Variants in RUBCNL observed in about 807,000 individuals in gnomAD.
The protein encoded by RUBCNL is protein associated with UVRAG as autophagy enhancer.
In RUBCNL, 62 loss-of-function variants were observed where a neutral mutation model predicts 69.5. The ratio of observed to expected loss-of-function variants is 0.89; its 90% CI spans 0.73 to 1.10. RUBCNL has a LOEUF of 1.10. Ranked by LOEUF, RUBCNL falls within the 50% of genes least tolerant of loss-of-function variation. RUBCNL has a pLI of 0.00. For synonymous variants in RUBCNL, 291 were observed against 303.6 expected (o/e 0.96, Z 0.43); for missense variants, 768 against 798.1 (o/e 0.96, Z 0.45).
At position 46,340,735 on chromosome 13, in the gene RUBCNL, T is replaced by C. The variant is rs1344278531; in HGVS notation, c.*2650A>G. On this transcript the variant is annotated 3_prime_UTR_variant, in exon 15 of 15. Transcript: ENST00000429979. ...AGCCTGCGTGTGCAGACTCCCCTTG[T>C]ATGGAAACAGAGGAGGCAAAGAGAG... Among the ~76,000 whole-genome samples the C allele has an allele frequency of 1.3e-5, 2 of 152,044 alleles. No homozygotes were observed. Among genetic ancestry groups the C allele is most frequent in the Non-Finnish European group, 2.9e-5 (2 of 67,974 alleles).
chr13:46,383,584 T>A (rs2049168586), intron 1 of RUBCNL, among the ~76,000 whole-genome samples: 1 of 152,210 alleles, frequency 6.6e-6, no homozygotes, highest in African/African-American at 2.4e-5. Flanking sequence ...TGCTTCAGAT[T>A]ATTAGCAACC....
chr13:46,376,288 G>A (rs1343043854), intron 2 of RUBCNL, among the ~76,000 whole-genome samples: 1 of 151,820 alleles, frequency 6.6e-6, no homozygotes, highest in East Asian at 1.9e-4. Context: ...TATATCTTTT[G>A]CATATGACAT....
intron 1 of RUBCNL, among the ~76,000 whole-genome samples, chr13:46,386,447 G>A (rs900841160): frequency 6.6e-6 from 1 of 152,022 alleles, no homozygotes; most frequent in Non-Finnish European, 1.5e-5. Context: ...TTCACTCAAG[G>A]CGAAATAACC....
intron 10 of RUBCNL, among the ~76,000 whole-genome samples, chr13:46,354,109 G>C (rs1023314202): frequency 6.6e-6 from 1 of 152,126 alleles, no homozygotes; most frequent in African/African-American, 2.4e-5. Flanking sequence ...AATTTTTTTG[G>C]TGTGATAACT....
chr13:46,381,238 ACAAAG>A (rs2049109543), intron 1 of RUBCNL, among the ~76,000 whole-genome samples: 1 of 152,234 alleles, frequency 6.6e-6, no homozygotes, highest in Non-Finnish European at 1.5e-5. Context: ...TGATGAATTA[ACAAAG>A]TGTGCTATAT....
intron 5 of RUBCNL, among the ~76,000 whole-genome samples, chr13:46,366,062 G>A (rs2048747788): frequency 6.6e-6 from 1 of 152,204 alleles, no homozygotes; most frequent in South Asian, 2.1e-4. Context: ...TTACTAACTA[G>A]AAACGGGACA....
chr13:46,353,708 T>A (rs2048420916), intron 10 of RUBCNL, among the ~76,000 whole-genome samples: 1 of 152,214 alleles, frequency 6.6e-6, no homozygotes, highest in Non-Finnish European at 1.5e-5. Context: ...TGTCCTCATT[T>A]TATGAAAAGT....
intron 4 of RUBCNL, 122 bp from the exon 5 acceptor site, chr13:46,368,371 C>A: frequency 7.1e-7 from 1 of 1,412,708 alleles, no homozygotes; most frequent in Non-Finnish European, 9.4e-7. Context: ...TATAAATATT[C>A]ATTTAACTGA....
rs1490928495 is a variant in RUBCNL, at chr13:46,359,472, C to T, written c.1265+14G>A. ...TTAAATGGATTGGAGGCCCAAGCAA[C>T]AGCCCATACTTACTTGAGTGGTGGA... On this transcript the variant is annotated intron_variant, in intron 9 of 14. Transcript: ENST00000429979. 4 of 1,600,976 alleles carry T rather than the reference C, an allele frequency of 2.5e-6. No individual in the cohort carries two copies. The highest frequency in any genetic ancestry group is 1.9e-4 in the Middle Eastern group (1 of 5,374).
At chr13:46,353,854 T>C (rs1267544561) in intron 10 of RUBCNL, among the ~76,000 whole-genome samples, 1 of 152,238 alleles carries the variant, frequency 6.6e-6, no homozygotes, top group East Asian at 1.9e-4. Flanking sequence ...TATTGAGTAC[T>C]TGAAATGTAG....
chr13:46,380,143 G>T (rs2049087402), intron 1 of RUBCNL, among the ~76,000 whole-genome samples: 1 of 152,160 alleles, frequency 6.6e-6, no homozygotes, highest in Non-Finnish European at 1.5e-5. Context: ...TAATTTTGAA[G>T]GTTTGCTGTC....
intron 3 of RUBCNL, 76 bp from the exon 4 acceptor site, chr13:46,368,891 G>C: frequency 1.9e-6 from 2 of 1,034,914 alleles, no homozygotes; most frequent in East Asian, 2.4e-5. Context: ...ACAATTATAG[G>C]AAGTGGCTTT....
rs2048904068 is a variant in RUBCNL, at chr13:46,372,598, C to A, written c.-122-1G>T. Reference sequence around the variant, plus strand: ...CCAGCTGGGGGTCTGGAGAGCTATTCTGCAATGAGCAAGGAATCATTCAAA... The same window carrying A: ...CCAGCTGGGGGTCTGGAGAGCTATTATGCAATGAGCAAGGAATCATTCAAA... On this transcript the variant is annotated splice_acceptor_variant, in intron 2 of 14. Transcript: ENST00000429979. LOFTEE classifies it low-confidence loss of function (5UTR_SPLICE). The A allele has an allele frequency of 6.9e-7, 1 of 1,446,190 alleles. No homozygotes were observed. Among genetic ancestry groups the A allele is most frequent in the Non-Finnish European group, 9.1e-7 (1 of 1,101,446 alleles). The allele number at this position is 1,446,190 out of a possible 1,614,324, so 89.6% of individuals were successfully genotyped here. A position where few individuals can be genotyped will look rare whatever the true frequency, so the allele number is the denominator to read the frequency against.
chr13:46,363,726 C>T (rs945690063), intron 5 of RUBCNL, among the ~76,000 whole-genome samples: 6 of 151,138 alleles, frequency 4.0e-5, no homozygotes, highest in Admixed American at 2.0e-4. Context: ...TGTGGTGGCC[C>T]GGCCAGCACC....
At chr13:46,387,399 A>G, upstream of RUBCNL, 1 of 985,390 alleles carries the variant, frequency 1.0e-6, no homozygotes, top group Non-Finnish European at 1.2e-6. Context: ...CGTCGCCCAG[A>G]TGGAAGAAAC....
chr13:46,383,170 A>T (rs2049158358), intron 1 of RUBCNL, among the ~76,000 whole-genome samples: 1 of 152,210 alleles, frequency 6.6e-6, no homozygotes, highest in South Asian at 2.1e-4. Context: ...ATTTTCCATT[A>T]AAAAATTCCC....
chr13:46,363,062 C>A (rs1338020996), intron 6 of RUBCNL, 53 bp downstream of exon 6: 5 of 1,057,304 alleles, frequency 4.7e-6, no homozygotes, highest in African/African-American at 3.2e-5. Context: ...TGTGTGTATG[C>A]GGATGGGATT....
intron 9 of RUBCNL, among the ~76,000 whole-genome samples, chr13:46,358,412 T>C (rs1411477804): frequency 2.0e-5 from 3 of 152,258 alleles, no homozygotes; most frequent in African/African-American, 4.8e-5. Context: ...ATCTGTCCTA[T>C]AGTCTCGGAA....
intron 11 of RUBCNL, among the ~76,000 whole-genome samples, chr13:46,349,856 T>A (rs1159399674): frequency 2.6e-5 from 4 of 151,740 alleles, no homozygotes; most frequent in Non-Finnish European, 5.9e-5. Flanking sequence ...TTTTTTTTTT[T>A]AATTTCTAGT....
Sources: gnomAD v4.1 joint callset for allele counts (sites outside exome capture counted in the v4.1 genomes callset) on GRCh38, gnomAD v4.1.1 for gene constraint, MANE v1.5 for transcripts, NCBI Gene and HGNC (gene_info 2026-07-23, HGNC 2026-07-21) for gene names.